The following PLA2G2C variants were observed in gnomAD, a reference collection of about 807,000 sequenced individuals.
The protein encoded by PLA2G2C is putative inactive group IIC secretory phospholipase A2.
PLA2G2C carries 15 observed loss-of-function variants against 14.3 expected under a neutral mutation model. The observed-to-expected ratio is 1.05, with a 90% CI of 0.70 to 1.62. The LOEUF (loss-of-function observed/expected upper bound fraction) is 1.62. PLA2G2C is among the 40% of genes most tolerant of loss of function. PLA2G2C has a pLI of 0.00. For synonymous variants in PLA2G2C, 79 were observed against 67.7 expected (o/e 1.17, Z -0.82); for missense variants, 162 against 173.2 (o/e 0.94, Z 0.36).
Position 20,172,895 on chromosome 1 carries a change from T to C in PLA2G2C, c.182A>G (p.His61Arg). The change falls in exon 4 of 5, where the codon CAC becomes CGC. Residue 61 changes from histidine to arginine, a missense_variant and splice_region_variant. His to Arg is a conservative substitution (Grantham distance 29, BLOSUM62 0). Coordinates refer to ENST00000679259, the MANE Select transcript of PLA2G2C (RefSeq NM_001367969.2). The part of the protein sequence containing the change: ...KGIPVDDTDR[H>R]SPSSPSPYEK... ...GTAGGGAGAGGGAGATGAGGGGCTGTGCCTGGAAGTGGGTCCCTCAGGAAT... is the reference window on the plus strand; with the variant it reads ...GTAGGGAGAGGGAGATGAGGGGCTGCGCCTGGAAGTGGGTCCCTCAGGAAT... 6.2e-7 allele frequency: 1 copy of C among 1,612,892 alleles called. No homozygotes were observed. The highest frequency in any genetic ancestry group is 8.5e-7 in the Non-Finnish European group (1 of 1,179,130).
rs1485204643 is a variant in PLA2G2C at position 20,163,631 on chromosome 1, A to G, written c.*360T>C. On this transcript the variant is annotated 3_prime_UTR_variant, in exon 5 of 5. Transcript: ENST00000679259. ...CTTCTCCCCTCCTGGAAACCCTGGG[A>G]TGTGGGGTTGGGTGCATCTCTATCC... 6.0e-6 allele frequency: 1 copy of G among 165,720 alleles called. No individual in the cohort carries two copies. The highest frequency in any genetic ancestry group is 1.3e-5 in the Non-Finnish European group (1 of 77,484). The allele number at this position is 165,720 out of a possible 1,614,324, so 10.3% of individuals were successfully genotyped here. A position where few individuals can be genotyped will look rare whatever the true frequency, so the allele number is the denominator to read the frequency against.
intron 1 of PLA2G2C, among the ~76,000 whole-genome samples, chr1:20,181,762 G>A (rs545376156): frequency 6.6e-6 from 1 of 152,332 alleles, no homozygotes; most frequent in African/African-American, 2.4e-5. Flanking sequence ...AAGCCTAGAA[G>A]CCTGGGTCAC....
chr1:20,172,740 C>A (rs114411177), intron 4 of PLA2G2C, 54 bp downstream of exon 4: 9 of 1,448,474 alleles, frequency 6.2e-6, no homozygotes, highest in Admixed American at 1.9e-5. Flanking sequence ...AGGAGGTGAA[C>A]GTTAAGGAAA....
At chr1:20,168,198 C>A (rs2018008533) in intron 4 of PLA2G2C, among the ~76,000 whole-genome samples, 1 of 152,222 alleles carries the variant, frequency 6.6e-6, no homozygotes. Context: ...CAAGTTGCTT[C>A]CCTCTCCAAG....
Position 20,175,055 on chromosome 1 carries a change from C to T in PLA2G2C, c.131G>A (p.Cys44Tyr), listed in dbSNP as rs1186068454. 7 of 1,613,940 alleles carry T rather than the reference C, an allele frequency of 4.3e-6. No individual in the cohort carries two copies. In the Admixed American group the frequency reaches 1.2e-4, roughly 27 times the overall value. Residue 44 changes from cysteine to tyrosine, a missense_variant, in exon 3 of 5, where the codon TGC (cysteine) becomes TAC (tyrosine). Coordinates refer to ENST00000679259, the MANE Select transcript of PLA2G2C (RefSeq NM_001367969.2). ...CCCTTTATCCCCAAGCCCACAGTAG[C>T]AGCCATATCCGTAATATGAGAAGAA... Reference protein sequence around the residue: ...SAFFSYYGYGCYCGLGDKGIP... With the variant: ...SAFFSYYGYGYYCGLGDKGIP...
In PLA2G2C at chr1:20,170,734, C is replaced by G. The variant is rs1377070404; in HGVS notation, c.283+2060G>C. Among the ~76,000 whole-genome samples, 3 of 95,642 alleles carry G rather than the reference C, an allele frequency of 3.1e-5. 1 individual carries two copies. Among genetic ancestry groups the G allele is most frequent in the Non-Finnish European group, 6.7e-5 (3 of 45,104 alleles). 62.7% of individuals were successfully genotyped at this position (95,642 alleles called of 152,430 possible). A position where few individuals can be genotyped will look rare whatever the true frequency, so the allele number is the denominator to read the frequency against. ...TGATGCCCTGGTACTGATGCGGAAG[C>G]CTCCTCCCACGCTAGTGCCCTGAGC... On this transcript the variant is annotated intron_variant, in intron 4 of 4. Transcript: ENST00000679259.
At chr1:20,171,792 C>T (rs1334915855) in intron 4 of PLA2G2C, among the ~76,000 whole-genome samples, 3 of 139,316 alleles carry the variant, frequency 2.2e-5, no homozygotes, top group Admixed American at 7.6e-5. Flanking sequence ...GACGGAGTCT[C>T]GCTCTGTGGC....
At chr1:20,180,588 CAGTCTCCCTGCCT>C (rs1214865633) in intron 1 of PLA2G2C, among the ~76,000 whole-genome samples, 1 of 152,232 alleles carries the variant, frequency 6.6e-6, no homozygotes. Context: ...TTCTCCTTGC[CAGTCTCCCTGCCT>C]AGACCTCTTG....
At chr1:20,182,757 A>T (rs1044167008) in intron 1 of PLA2G2C, among the ~76,000 whole-genome samples, 1 of 152,254 alleles carries the variant, frequency 6.6e-6, no homozygotes, top group Non-Finnish European at 1.5e-5. Flanking sequence ...ATGTCTAATG[A>T]GACCAAGGAC....
At position 20,167,324 on chromosome 1, in the gene PLA2G2C, G is replaced by A. The variant is rs115261175; in HGVS notation, c.284-3167C>T. ...CTGACACGTGTCTCAAACTCAAGGT[G>A]ACTCACACCAAACTCTTGCTGTCTT... On this transcript the variant is annotated intron_variant, in intron 4 of 4. Coordinates refer to ENST00000679259, the MANE Select transcript of PLA2G2C (RefSeq NM_001367969.2). 5.2e-3 allele frequency among the ~76,000 whole-genome samples: 786 copies of A among 152,166 alleles called. 9 individuals carry two copies. Among genetic ancestry groups the A allele is most frequent in the African/African-American group, 0.018 (745 of 41,492 alleles).
intron 1 of PLA2G2C, among the ~76,000 whole-genome samples, chr1:20,181,670 C>T (rs1306358957): frequency 6.6e-6 from 1 of 152,088 alleles, no homozygotes; most frequent in African/African-American, 2.4e-5. Context: ...TTTCTCAGGC[C>T]CAGCAGCCGG....
intron 2 of PLA2G2C, among the ~76,000 whole-genome samples, chr1:20,176,269 G>A (rs535483110): frequency 5.1e-4 from 77 of 152,218 alleles, no homozygotes; most frequent in Admixed American, 1.6e-3. Flanking sequence ...GTGGGTAAAC[G>A]CTGTATAGAG....
At chr1:20,172,083 G>A (rs1476897598) in intron 4 of PLA2G2C, among the ~76,000 whole-genome samples, 4 of 152,070 alleles carry the variant, frequency 2.6e-5, no homozygotes, top group Non-Finnish European at 1.5e-5. Flanking sequence ...TTCTTTATTT[G>A]TTGCTCTTCA....
chr1:20,171,252 T>C lies in PLA2G2C; in HGVS notation c.283+1542A>G, dbSNP rs189784311. Among the ~76,000 whole-genome samples, 50 of 152,132 alleles carry C rather than the reference T, an allele frequency of 3.3e-4. 5 individuals are homozygous for C. In the East Asian group the frequency reaches 8.9e-3, roughly 27 times the overall value. On this transcript the variant is annotated intron_variant, in intron 4 of 4. Coordinates refer to ENST00000679259, the MANE Select transcript of PLA2G2C (RefSeq NM_001367969.2). ...TCTCCTGAACATGGCCTTGGAGGTG[T>C]CACAGAAAAGACACTTTGCTTTAGG... is the stretch of plus-strand genomic sequence containing the variant.
intron 3 of PLA2G2C, among the ~76,000 whole-genome samples, chr1:20,174,196 G>A (rs1033835339): frequency 6.6e-6 from 1 of 152,114 alleles, no homozygotes; most frequent in South Asian, 2.1e-4. Flanking sequence ...CACAAGACTC[G>A]AGCTCCAGGA....
chr1:20,182,084 T>C (rs1224762991), intron 1 of PLA2G2C, among the ~76,000 whole-genome samples: 1 of 152,138 alleles, frequency 6.6e-6, no homozygotes, highest in East Asian at 1.9e-4. Context: ...CCAAGGTGAG[T>C]TACAGTGTTT....
At chr1:20,169,074 G>C (rs1273933704) in intron 4 of PLA2G2C, among the ~76,000 whole-genome samples, 1 of 152,204 alleles carries the variant, frequency 6.6e-6, no homozygotes, top group Non-Finnish European at 1.5e-5. Context: ...ACCAGGCCTG[G>C]GTGCAGGATT....
At chr1:20,166,740 C>T (rs1185069265) in intron 4 of PLA2G2C, among the ~76,000 whole-genome samples, 1 of 152,216 alleles carries the variant, frequency 6.6e-6, no homozygotes, top group Non-Finnish European at 1.5e-5. Context: ...CTCCCTTTCT[C>T]ATTTGGTCTT....
intron 2 of PLA2G2C, among the ~76,000 whole-genome samples, chr1:20,176,268 C>T (rs10799612): frequency 1.3e-5 from 2 of 151,836 alleles, no homozygotes; most frequent in Non-Finnish European, 2.9e-5. Flanking sequence ...TGTGGGTAAA[C>T]GCTGTATAGA....
Sources: gnomAD v4.1 joint callset for allele counts (sites outside exome capture counted in the v4.1 genomes callset) on GRCh38, gnomAD v4.1.1 for gene constraint, MANE v1.5 for transcripts, NCBI Gene and HGNC (gene_info 2026-07-23, HGNC 2026-07-21) for gene names.